CACNB2: variants seen among roughly 807,000 people sequenced by gnomAD.
The protein encoded by CACNB2 is calcium voltage-gated channel auxiliary subunit beta 2.
Under a neutral mutation model 73.3 loss-of-function variants are expected in CACNB2, and 42 were observed. That is an observed-to-expected ratio of 0.57 (90% CI 0.45 to 0.74). The LOEUF is 0.74. CACNB2 is among the 30% of genes least tolerant of loss of function. The pLI is 0.00. For missense variants in CACNB2, 940 were observed against 853.0 expected, an observed-to-expected ratio of 1.10 and a Z score of -1.27; for synonymous variants, 348 against 310.3, an observed-to-expected ratio of 1.12 and a Z score of -1.28.
intron 2 of CACNB2, among the ~76,000 whole-genome samples, chr10:18,397,469 G>GAAAAAAA (rs2043771863): frequency 6.6e-6 from 1 of 150,494 alleles, no homozygotes; most frequent in East Asian, 1.9e-4. Flanking sequence ...TCTCAAAAAA[G>GAAAAAAA]AAAAAAGAAA....
rs537673415 is a variant in CACNB2 at position 18,298,095 on chromosome 10, G to A, written c.214-103829G>A. ...TTAAAACCTAACCTTGAGGCTGGGC[G>A]TACTGGCTCACGCCTGTAATCCTAG... On this transcript the variant is annotated intron_variant, in intron 2 of 13. Coordinates refer to ENST00000324631, the MANE Select transcript of CACNB2 (RefSeq NM_201596.3). Among the ~76,000 whole-genome samples, 29 of 152,240 alleles carry A rather than the reference G, an allele frequency of 1.9e-4. 1 individual carries two copies. The highest frequency in any genetic ancestry group is 5.2e-4 in the Admixed American group (8 of 15,298).
chr10:18,375,504 G>A (rs1296025900), intron 2 of CACNB2, among the ~76,000 whole-genome samples: 5 of 152,156 alleles, frequency 3.3e-5, no homozygotes, highest in African/African-American at 1.2e-4. Flanking sequence ...TTTAATTGAT[G>A]AAGACCTTTG....
At chr10:18,508,530 C>T (rs1283303160) in intron 6 of CACNB2, among the ~76,000 whole-genome samples, 2 of 152,180 alleles carry the variant, frequency 1.3e-5, no homozygotes, top group Non-Finnish European at 2.9e-5. Context: ...ACTATGTCAC[C>T]TTGCGATAAA....
intron 2 of CACNB2, among the ~76,000 whole-genome samples, chr10:18,312,476 T>C (rs2039998378): frequency 6.6e-6 from 1 of 152,206 alleles, no homozygotes; most frequent in African/African-American, 2.4e-5. Flanking sequence ...TAAGATTATA[T>C]AACAGCCAGA....
intron 2 of CACNB2, among the ~76,000 whole-genome samples, chr10:18,325,308 G>A (rs1221355752): frequency 6.6e-6 from 1 of 152,146 alleles, no homozygotes; most frequent in Non-Finnish European, 1.5e-5. Flanking sequence ...TTGTGCCTCA[G>A]CCTCTCAGGT....
chr10:18,262,462 A>G (rs1002146587), intron 2 of CACNB2, among the ~76,000 whole-genome samples: 1 of 152,196 alleles, frequency 6.6e-6, no homozygotes, highest in African/African-American at 2.4e-5. Flanking sequence ...TGTCTTTTGA[A>G]TGCAACAGTT....
chr10:18,256,530 G>A (rs1035505589), intron 2 of CACNB2: 2 of 152,232 alleles, frequency 1.3e-5, no homozygotes, highest in East Asian at 1.9e-4. Context: ...CTGAGTTCCT[G>A]ATTCTCGTCT....
At chr10:18,350,313 C>T (rs11013768) in intron 2 of CACNB2, among the ~76,000 whole-genome samples, 29,628 of 152,164 alleles carry the variant, frequency 0.19, 3,078 homozygotes, top group Middle Eastern at 0.35. Flanking sequence ...GAAGTAGACA[C>T]ATGATCATCT....
intron 2 of CACNB2, among the ~76,000 whole-genome samples, chr10:18,228,902 C>A (rs2036121363): frequency 6.6e-6 from 1 of 152,122 alleles, no homozygotes; most frequent in African/African-American, 2.4e-5. Flanking sequence ...CCATGCCTGG[C>A]TAATTATTTT....
intron 2 of CACNB2, among the ~76,000 whole-genome samples, chr10:18,323,110 T>C (rs1259818621): frequency 6.6e-6 from 1 of 151,678 alleles, no homozygotes; most frequent in Non-Finnish European, 1.5e-5. Context: ...TACAGGCACA[T>C]GCCACCACAC....
At chr10:18,200,237 T>C (rs2034820009) in intron 2 of CACNB2, among the ~76,000 whole-genome samples, 1 of 151,972 alleles carries the variant, frequency 6.6e-6, no homozygotes, top group Non-Finnish European at 1.5e-5. Context: ...AGACATCTTT[T>C]TGTAGGTATT....
rs201557675 is a variant in CACNB2 at position 18,409,318 on chromosome 10, A to AT, written c.333+7275_333+7276insT. Among the ~76,000 whole-genome samples the AT allele has an allele frequency of 8.7e-3, 1,306 of 149,896 alleles. 25 individuals are homozygous for AT. The highest frequency in any genetic ancestry group is 0.03 in the African/African-American group (1,231 of 40,850). On this transcript the variant is annotated intron_variant, in intron 3 of 13. Coordinates refer to ENST00000324631, the MANE Select transcript of CACNB2 (RefSeq NM_201596.3). ...TGTCTCCAGGAAAAAAAAAAAAAAA[A>AT]GTAGAGACAAAGTCTCCTTATGTTG...
chr10:18,445,445 T>C (rs1183293750), intron 3 of CACNB2, among the ~76,000 whole-genome samples: 1 of 152,196 alleles, frequency 6.6e-6, no homozygotes, highest in Non-Finnish European at 1.5e-5. Flanking sequence ...GCAACAGAGT[T>C]TCCAGTGTCA....
chr10:18,379,776 T>G (rs572758436), intron 2 of CACNB2, among the ~76,000 whole-genome samples: 4 of 152,246 alleles, frequency 2.6e-5, no homozygotes, highest in South Asian at 4.2e-4. Context: ...AGCCTCAACC[T>G]CCCAGTCTCA....
At chr10:18,413,486 C>A (rs2044754047) in intron 3 of CACNB2, among the ~76,000 whole-genome samples, 1 of 152,186 alleles carries the variant, frequency 6.6e-6, no homozygotes, top group Admixed American at 6.5e-5. Flanking sequence ...TCGGTTCTGC[C>A]ACCCACTTAA....
At chr10:18,418,510 CTAG>C (rs1401359555) in intron 3 of CACNB2, among the ~76,000 whole-genome samples, 31 of 152,330 alleles carry the variant, frequency 2.0e-4, no homozygotes, top group African/African-American at 7.0e-4. Flanking sequence ...GAACTGTAAT[CTAG>C]CTTAATAGGC....
At chr10:18,362,719 C>T (rs1367782017) in intron 2 of CACNB2, among the ~76,000 whole-genome samples, 4 of 152,106 alleles carry the variant, frequency 2.6e-5, no homozygotes, top group Non-Finnish European at 5.9e-5. Flanking sequence ...GAATTTGAGA[C>T]CAGCCTGGCC....
At chr10:18,316,490 G>C (rs2040191519) in intron 2 of CACNB2, among the ~76,000 whole-genome samples, 1 of 148,400 alleles carries the variant, frequency 6.7e-6, no homozygotes, top group South Asian at 2.1e-4. Flanking sequence ...TTAAGACAGA[G>C]TCTCGCACTG....
rs530941041 is a variant in CACNB2 at position 18,260,782 on chromosome 10, A to G, written c.213+109807A>G. The G allele has an allele frequency of 4.1e-5, 41 of 1,011,576 alleles. No homozygotes were observed. The East Asian group carries it at 3.3e-3, about 82-fold the overall frequency. The allele number at this position is 1,011,576 out of a possible 1,614,324, so 62.7% of individuals were successfully genotyped here. A position where few individuals can be genotyped will look rare whatever the true frequency, so the allele number is the denominator to read the frequency against. Reference sequence around the variant, plus strand: ...CGGGAGCAGGAACAGCAGCGTGCTAAGAAGCAGTCACATAAACAGCAGCAG... The same window carrying G: ...CGGGAGCAGGAACAGCAGCGTGCTAGGAAGCAGTCACATAAACAGCAGCAG... On this transcript the variant is annotated intron_variant, in intron 2 of 13. Transcript: ENST00000324631.
Sources: gnomAD v4.1 joint callset for allele counts (sites outside exome capture counted in the v4.1 genomes callset) on GRCh38, gnomAD v4.1.1 for gene constraint, MANE v1.5 for transcripts, NCBI Gene and HGNC (gene_info 2026-07-23, HGNC 2026-07-21) for gene names.